Variants in PRDX1 observed in about 807,000 individuals in gnomAD.
PRDX1 encodes the protein peroxiredoxin-1.
A neutral mutation model predicts 20.7 loss-of-function variants in PRDX1; 19 were observed. The observed-to-expected ratio is 0.92, with a 90% CI of 0.64 to 1.35. The LOEUF (loss-of-function observed/expected upper bound fraction) is 1.35. Ranked by LOEUF, PRDX1 falls within the 40% of genes most tolerant of loss-of-function variation. The pLI is 0.00. For synonymous variants in PRDX1, 89 were observed against 83.9 expected (o/e 1.06, Z -0.33); for missense variants, 226 against 240.0 (o/e 0.94, Z 0.38).
intron 5 of PRDX1, chr1:45,513,158 A>G (rs1643788025): frequency 6.6e-6 from 1 of 152,168 alleles, no homozygotes; most frequent in South Asian, 2.1e-4. Flanking sequence ...AAATAAATAA[A>G]TAAAAATATG....
chr1:45,520,501 T>C (rs151047540), intron 1 of PRDX1, among the ~76,000 whole-genome samples: 24 of 151,914 alleles, frequency 1.6e-4, no homozygotes, highest in African/African-American at 5.6e-4. Flanking sequence ...GGCAGGCAGA[T>C]CACCTGAGGT....
intron 1 of PRDX1, among the ~76,000 whole-genome samples, chr1:45,519,897 A>T (rs1357826843): frequency 6.6e-6 from 1 of 151,984 alleles, no homozygotes; most frequent in Admixed American, 6.5e-5. Flanking sequence ...GCGCCCTTCC[A>T]GTCAGTCCAA....
At chr1:45,517,650 C>T (rs545355848) in intron 2 of PRDX1, among the ~76,000 whole-genome samples, 2 of 152,088 alleles carry the variant, frequency 1.3e-5, no homozygotes, top group Admixed American at 6.5e-5. Context: ...AGCATGGTTG[C>T]GGGCGCCTGT....
intron 4 of PRDX1, 60 bp from the exon 5 acceptor site, chr1:45,514,697 C>T: frequency 3.1e-6 from 5 of 1,604,810 alleles, no homozygotes; most frequent in Non-Finnish European, 4.3e-6. Context: ...TGTTAGAATA[C>T]AGAGGCTTGA....
In PRDX1 at chr1:45,511,427, G is replaced by C; in HGVS notation, c.515-13C>G. 1 of 1,607,508 alleles carries C rather than the reference G, an allele frequency of 6.2e-7. No individual in the cohort carries two copies. The highest frequency in any genetic ancestry group is 8.5e-7 in the Non-Finnish European group (1 of 1,175,734). ...CCAGCTGGGCACACTGCAAGAGAAA[G>C]GCACCACTAATTAATAACCTTCTCA... On this transcript the variant is annotated splice_polypyrimidine_tract_variant and intron_variant, in intron 5 of 5. Transcript: ENST00000319248.
rs745328384 is a variant in PRDX1, at chr1:45,515,809, T to TG, written c.107-3dup. The TG allele has an allele frequency of 6.4e-7, 1 of 1,551,016 alleles. No individual in the cohort carries two copies. Among genetic ancestry groups the TG allele is most frequent in the Non-Finnish European group, 8.7e-7 (1 of 1,154,148 alleles). On this transcript the variant is annotated splice_region_variant and splice_polypyrimidine_tract_variant and intron_variant, in intron 2 of 5. Transcript: ENST00000319248. The stretch of plus-strand genomic sequence containing the variant: ...AAAAGAAGAACACAACATATTTTCC[T>TG]GGGGGGAAAATCGGAGTCATGGTTA...
At chr1:45,517,700 T>C (rs1462757053) in intron 2 of PRDX1, among the ~76,000 whole-genome samples, 2 of 146,952 alleles carry the variant, frequency 1.4e-5, no homozygotes, top group African/African-American at 5.1e-5. Context: ...GAGAATGGCA[T>C]GAACCCAGAA....
chr1:45,513,698 G>C (rs1017776011), intron 5 of PRDX1, among the ~76,000 whole-genome samples: 2 of 152,190 alleles, frequency 1.3e-5, no homozygotes, highest in Non-Finnish European at 2.9e-5. Context: ...TGGATTAAGG[G>C]CTGTGCAAGA....
chr1:45,517,534 A>C (rs1186883757), intron 2 of PRDX1, among the ~76,000 whole-genome samples: 5 of 151,986 alleles, frequency 3.3e-5, no homozygotes, highest in Admixed American at 3.3e-4. Flanking sequence ...GTAATCCCAG[A>C]ACTTTGGGAG....
chr1:45,520,205 C>CAAAAAAAAAAAAA lies in PRDX1; in HGVS notation c.-11-1164_-11-1152dup, dbSNP rs59260423. 5.8e-4 allele frequency among the ~76,000 whole-genome samples: 53 copies of CAAAAAAAAAAAAA among 91,040 alleles called. 1 individual carries two copies. Among genetic ancestry groups the CAAAAAAAAAAAAA allele is most frequent in the African/African-American group, 2.1e-3 (45 of 21,950 alleles). The allele number at this position is 91,040 out of a possible 152,430, so 59.7% of individuals were successfully genotyped here. On this transcript the variant is annotated intron_variant, in intron 1 of 5. Coordinates refer to ENST00000319248, the MANE Select transcript of PRDX1 (RefSeq NM_181697.3). Reference sequence around the variant, plus strand: ...GGGCAACAGAGTGAGACTCTGTCTCCAAAAAAAAAAAAAAAAAAAAGAGGC... The same window carrying CAAAAAAAAAAAAA: ...GGGCAACAGAGTGAGACTCTGTCTCCAAAAAAAAAAAAAAAAAAAAAAAAAAAAAAAAAGAGGC...
chr1:45,514,818 G>A (rs1035706442), intron 4 of PRDX1, 55 bp downstream of exon 4: 2 of 1,609,664 alleles, frequency 1.2e-6, no homozygotes, highest in African/African-American at 1.3e-5. Context: ...CAGGGCTCTA[G>A]ATCTCTCCAA....
At chr1:45,513,210 A>G (rs1253179801) in intron 5 of PRDX1, 1 of 152,224 alleles carries the variant, frequency 6.6e-6, no homozygotes, top group Non-Finnish European at 1.5e-5. Context: ...AGTTATTTAA[A>G]AAATGGCATG....
chr1:45,514,340 C>T (rs1643818220), intron 5 of PRDX1, among the ~76,000 whole-genome samples, 167 bp downstream of exon 5: 1 of 152,150 alleles, frequency 6.6e-6, no homozygotes, highest in Non-Finnish European at 1.5e-5. Flanking sequence ...CCTCTGTATG[C>T]TGAACACTGG....
chr1:45,521,057 C>G (rs1290664108), intron 1 of PRDX1, among the ~76,000 whole-genome samples: 3 of 152,162 alleles, frequency 2.0e-5, no homozygotes, highest in African/African-American at 7.2e-5. Context: ...ACACCTTTAA[C>G]GACAAAAAAC....
At chr1:45,511,459 T>G (rs771704607) in intron 5 of PRDX1, 45 bp from the exon 6 acceptor site, 1 of 1,496,830 alleles carries the variant, frequency 6.7e-7, no homozygotes, top group South Asian at 1.2e-5. Flanking sequence ...CTCAATGGTA[T>G]GCACCACCAT....
rs3737192 is a variant in PRDX1 at position 45,511,192 on chromosome 1, G to A, written c.*137C>T. The A allele has an allele frequency of 2.8e-3, 2,070 of 742,074 alleles. 62 individuals carry two copies. In the East Asian group the frequency reaches 0.05, roughly 18 times the overall value. The allele number at this position is 742,074 out of a possible 1,614,324, so 46.0% of individuals were successfully genotyped here. ...AAGGCTGGTCTCTCCACCCCCTGTA[G>A]GAAAGGCCTGCCTTGTAAGACACCA... On this transcript the variant is annotated 3_prime_UTR_variant, in exon 6 of 6. Coordinates refer to ENST00000319248, the MANE Select transcript of PRDX1 (RefSeq NM_181697.3).
chr1:45,514,501 G>C lies in PRDX1; in HGVS notation c.514+6C>G, dbSNP rs759904689. On this transcript the variant is annotated splice_donor_region_variant and intron_variant, in intron 5 of 5. Coordinates refer to ENST00000319248, the MANE Select transcript of PRDX1 (RefSeq NM_181697.3). ...CTGTTGTCCTGTTATCAGACAGATG[G>C]CTTACCTTCCCCATGTTTGTCAGTG... 6.2e-7 allele frequency: 1 copy of C among 1,614,052 alleles called. No individual in the cohort carries two copies. Among genetic ancestry groups the C allele is most frequent in the South Asian group, 1.1e-5 (1 of 91,070 alleles).
intron 2 of PRDX1, among the ~76,000 whole-genome samples, chr1:45,518,151 C>T (rs765336111): frequency 6.6e-6 from 1 of 151,458 alleles, no homozygotes; most frequent in Non-Finnish European, 1.5e-5. Flanking sequence ...GGCAACATGG[C>T]GCCCAGCTCT....
chr1:45,513,890 G>T (rs544218629), intron 5 of PRDX1, among the ~76,000 whole-genome samples: 2 of 150,558 alleles, frequency 1.3e-5, no homozygotes, highest in African/African-American at 5.0e-5. Context: ...GGCCTCGTGG[G>T]AAGGGAAAGA....
Sources: gnomAD v4.1 joint callset for allele counts (sites outside exome capture counted in the v4.1 genomes callset) on GRCh38, gnomAD v4.1.1 for gene constraint, MANE v1.5 for transcripts, NCBI Gene and HGNC (gene_info 2026-07-23, HGNC 2026-07-21) for gene names.